The following TRIM2 variants were observed in gnomAD, a reference collection of about 807,000 sequenced individuals.
The protein encoded by TRIM2 is tripartite motif containing 2, also known as tripartite motif-containing protein 2.
In TRIM2, 20 loss-of-function variants were observed where a neutral mutation model predicts 75.2. That is an observed-to-expected ratio of 0.27 (90% confidence interval 0.19 to 0.39). The LOEUF (loss-of-function observed/expected upper bound fraction) is 0.39, where lower values mean the gene tolerates loss of function less well. TRIM2 is among the 10% of genes least tolerant of loss of function. The probability of loss-of-function intolerance (pLI) is 1.00; values close to 1 mark genes in which losing one functional copy is unlikely to be tolerated. For missense variants in TRIM2, 660 were observed against 990.8 expected, an observed-to-expected ratio of 0.67 and a Z score of 4.48; for synonymous variants, 373 against 388.3, an observed-to-expected ratio of 0.96 and a Z score of 0.46.
chr4:153,207,079 G>A (rs1222582923), intron 1 of TRIM2, among the ~76,000 whole-genome samples: 1 of 152,062 alleles, frequency 6.6e-6, no homozygotes, highest in Non-Finnish European at 1.5e-5. Context: ...TAAGAACTAT[G>A]TGCCAGGAAG....
intron 1 of TRIM2, among the ~76,000 whole-genome samples, chr4:153,227,327 A>G (rs1742404637): frequency 6.6e-6 from 1 of 152,218 alleles, no homozygotes; most frequent in Admixed American, 6.5e-5. Context: ...ACAATTCAAC[A>G]GTGGCCCTGG....
chr4:153,221,779 GAA>G (rs1740123521), intron 1 of TRIM2, among the ~76,000 whole-genome samples: 10 of 119,494 alleles, frequency 8.4e-5, no homozygotes, highest in African/African-American at 2.1e-4. Context: ...AGGAAGGAAA[GAA>G]GAAAAGGAAG....
chr4:153,311,919 T>TTTATTTA (rs1356905934), intron 6 of TRIM2, among the ~76,000 whole-genome samples: 107 of 145,546 alleles, frequency 7.4e-4, no homozygotes, highest in South Asian at 5.7e-3. Flanking sequence ...TATTTATTTA[T>TTTATTTA]TTATTATTAT....
intron 8 of TRIM2, among the ~76,000 whole-genome samples, chr4:153,318,446 T>G (rs961304652): frequency 6.6e-6 from 1 of 152,176 alleles, no homozygotes; most frequent in African/African-American, 2.4e-5. Context: ...ACCCTTGAAT[T>G]TTTGGTTTCA....
chr4:153,222,855 G>C (rs147308349), intron 1 of TRIM2: 1 of 153,000 alleles, frequency 6.5e-6, no homozygotes, highest in Admixed American at 6.5e-5. Flanking sequence ...GGGCGGCTGC[G>C]GGGGAGGAAG....
intron 1 of TRIM2, among the ~76,000 whole-genome samples, chr4:153,260,723 C>CACACACACAT (rs1753305299): frequency 9.3e-6 from 1 of 107,502 alleles, no homozygotes; most frequent in Admixed American, 9.9e-5. Flanking sequence ...CACACACACA[C>CACACACACAT]ACATCATCAT....
chr4:153,170,223 A>C (rs945742190), intron 1 of TRIM2, among the ~76,000 whole-genome samples: 1 of 152,250 alleles, frequency 6.6e-6, no homozygotes, highest in Non-Finnish European at 1.5e-5. Context: ...TCAGTTATAC[A>C]GTAACTTTCA....
rs1232343591 is a variant in TRIM2, at chr4:153,244,135, C to CTTCTTG, written c.31-26195_31-26194insGTTCTT. Among the ~76,000 whole-genome samples, 11 of 142,184 alleles carry CTTCTTG rather than the reference C, an allele frequency of 7.7e-5. 1 individual carries two copies. Among genetic ancestry groups the CTTCTTG allele is most frequent in the African/African-American group, 2.8e-4 (11 of 38,676 alleles). The allele number at this position is 142,184 out of a possible 152,430, so 93.3% of individuals were successfully genotyped here. ...GTGCCACTGCCATCTTCTTCTTCTT[C>CTTCTTG]TTCTTCTTGTTCTTCTTGTTCTTCT... On this transcript the variant is annotated intron_variant, in intron 1 of 11. Transcript: ENST00000338700.
intron 6 of TRIM2, among the ~76,000 whole-genome samples, chr4:153,301,621 A>C (rs1404175503): frequency 6.6e-6 from 1 of 152,166 alleles, no homozygotes; most frequent in African/African-American, 2.4e-5. Context: ...TTACAGTTCC[A>C]GGTGTTATGT....
At chr4:153,293,347 G>A (rs1762194525) in intron 4 of TRIM2, among the ~76,000 whole-genome samples, 1 of 152,212 alleles carries the variant, frequency 6.6e-6, no homozygotes. Flanking sequence ...CTCCTTATGA[G>A]TGGCATTTTT....
At chr4:153,316,245 A>T (rs1767557626) in intron 8 of TRIM2, among the ~76,000 whole-genome samples, 1 of 152,242 alleles carries the variant, frequency 6.6e-6, no homozygotes, top group East Asian at 1.9e-4. Context: ...TTTTTTCTTT[A>T]AAACCATAGA....
intron 1 of TRIM2, among the ~76,000 whole-genome samples, chr4:153,172,745 G>A (rs1377188136): frequency 6.6e-6 from 1 of 152,140 alleles, no homozygotes; most frequent in Non-Finnish European, 1.5e-5. Context: ...GGGGAGGGAG[G>A]TGGTGGCTTT....
At chr4:153,189,441 A>G (rs1416364632) in intron 1 of TRIM2, among the ~76,000 whole-genome samples, 2 of 152,122 alleles carry the variant, frequency 1.3e-5, no homozygotes, top group East Asian at 3.8e-4. Flanking sequence ...TGATTAGGAA[A>G]CCACAGAGCT....
chr4:153,301,472 G>C (rs1763909497), intron 6 of TRIM2, among the ~76,000 whole-genome samples: 1 of 152,004 alleles, frequency 6.6e-6, no homozygotes, highest in Non-Finnish European at 1.5e-5. Flanking sequence ...GTGATCCTTT[G>C]CTGTACAGCT....
rs1358028269 is a variant in TRIM2, at chr4:153,335,298, C to T, written c.*332C>T. ...AAAAACTAGCATATGTAAAGGTATT[C>T]GTTAATCCTGTGAATGGTAGCTTTT... On this transcript the variant is annotated 3_prime_UTR_variant, in exon 12 of 12. Transcript: ENST00000338700. The T allele has an allele frequency of 1.3e-5, 13 of 1,013,312 alleles. No individual in the cohort carries two copies. The highest frequency in any genetic ancestry group is 1.2e-4 in the Admixed American group (2 of 17,380). 62.8% of individuals were successfully genotyped at this position (1,013,312 alleles called of 1,614,324 possible).
At chr4:153,250,950 C>A (rs182877042) in intron 1 of TRIM2, among the ~76,000 whole-genome samples, 20 of 152,304 alleles carry the variant, frequency 1.3e-4, no homozygotes. Context: ...CCACCTGGCA[C>A]ACAATCACTT....
In TRIM2 at chr4:153,276,035, A is replaced by G. The variant is rs756373909; in HGVS notation, c.358A>G (p.Thr120Ala). ...ITNLMDVLQR[T>A]PGSNAEESSI... ...AAACCTGATGGACGTGCTGCAGCGA[A>G]CTCCAGGCAGCAACGCTGAGGAGTC... Residue 120 changes from threonine (T) to alanine (A), a missense_variant, in exon 3 of 12, where the codon ACT becomes GCT. Around this residue, in one of 2 missense-constraint regions of TRIM2, gnomAD observed 620 missense variants for 891.0 expected, o/e 0.70. Transcript: ENST00000338700. 16 of 1,613,996 alleles carry G rather than the reference A, an allele frequency of 9.9e-6. No homozygotes were observed. The Admixed American group carries it at 2.7e-4, about 27-fold the overall frequency.
chr4:153,312,393 G>A (rs961174022), intron 6 of TRIM2, among the ~76,000 whole-genome samples: 4 of 151,990 alleles, frequency 2.6e-5, no homozygotes, highest in Admixed American at 6.5e-5. Context: ...AAAAGTGGGC[G>A]AAGGACATGA....
At chr4:153,152,411 TATATATATATATATATATAC>T (rs1728812504), upstream of TRIM2, 1 of 14,906 alleles carries the variant, frequency 6.7e-5, no homozygotes, top group Non-Finnish European at 2.3e-4. Flanking sequence ...TATGTGTGTA[TATATATATATATATATATAC>T]ACACATATAT....
Sources: allele counts gnomAD v4.1 joint callset (sites outside exome capture counted in the v4.1 genomes callset), GRCh38; gene constraint gnomAD v4.1.1; regional missense constraint gnomAD v4.1.1; transcripts MANE v1.5; gene names NCBI Gene and HGNC (gene_info 2026-07-23, HGNC 2026-07-21).